The following RTN1 variants were observed in gnomAD, a reference collection of about 807,000 sequenced individuals.
RTN1 encodes reticulon-1.
In RTN1, 25 loss-of-function variants were observed where a neutral mutation model predicts 65.5. That is an observed-to-expected ratio of 0.38 (90% CI 0.28 to 0.53). RTN1 has a LOEUF of 0.53. Among genes scored for constraint, RTN1 ranks in the 20% least tolerant of loss-of-function variants. The probability of loss-of-function intolerance (pLI) is 0.79; values close to 1 mark genes in which losing one functional copy is unlikely to be tolerated. For synonymous variants in RTN1, 471 were observed against 447.6 expected, an observed-to-expected ratio of 1.05 and a Z score of -0.66; for missense variants, 983 against 1,025.4, an observed-to-expected ratio of 0.96 and a Z score of 0.57.
chr14:59,625,809 T>A (rs1182170992), intron 3 of RTN1, among the ~76,000 whole-genome samples: 2 of 152,274 alleles, frequency 1.3e-5, no homozygotes, highest in African/African-American at 4.8e-5. Context: ...CCTTAAAAAG[T>A]TTTTCTTGAA....
At chr14:59,650,045 A>G (rs991777665) in intron 3 of RTN1, among the ~76,000 whole-genome samples, 2 of 152,246 alleles carry the variant, frequency 1.3e-5, no homozygotes, top group Non-Finnish European at 2.9e-5. Context: ...TATGGCACAT[A>G]TACACCATGG....
intron 3 of RTN1, among the ~76,000 whole-genome samples, chr14:59,695,881 GATT>G (rs1390740741): frequency 6.6e-6 from 1 of 151,744 alleles, no homozygotes; most frequent in Non-Finnish European, 1.5e-5. Flanking sequence ...ATATCAGAAA[GATT>G]ATAACACTTT....
chr14:59,701,546 T>A (rs188413379), intron 3 of RTN1, among the ~76,000 whole-genome samples: 2 of 152,190 alleles, frequency 1.3e-5, no homozygotes. Flanking sequence ...GAAAATATTA[T>A]ATTATGCTAA....
intron 1 of RTN1, among the ~76,000 whole-genome samples, chr14:59,866,935 A>G (rs1887808914): frequency 6.6e-6 from 1 of 152,370 alleles, no homozygotes; most frequent in Non-Finnish European, 1.5e-5. Flanking sequence ...TTGAAAAATG[A>G]GGACATATAA....
chr14:59,698,204 T>G (rs1283370536), intron 3 of RTN1, among the ~76,000 whole-genome samples: 1 of 152,142 alleles, frequency 6.6e-6, no homozygotes, highest in Non-Finnish European at 1.5e-5. Flanking sequence ...TTCATAAGAT[T>G]TTTAAAATAC....
intron 4 of RTN1, chr14:59,606,119 T>TATATATATATATAA (rs1566658086): frequency 1.1e-5 from 1 of 88,084 alleles, no homozygotes; most frequent in African/African-American, 4.5e-5. Flanking sequence ...TATATATATA[T>TATATATATATATAA]ATATATATCA....
At chr14:59,854,170 C>G (rs1213013914) in intron 1 of RTN1, among the ~76,000 whole-genome samples, 3 of 151,518 alleles carry the variant, frequency 2.0e-5, no homozygotes, top group Non-Finnish European at 4.4e-5. Context: ...AACTTTTTAA[C>G]TTTTTAAATG....
At chr14:59,779,182 A>G (rs543127497) in intron 1 of RTN1, among the ~76,000 whole-genome samples, 8 of 152,156 alleles carry the variant, frequency 5.3e-5, no homozygotes, top group Non-Finnish European at 1.0e-4. Flanking sequence ...AAAGAAACCA[A>G]TAGGATCTGA....
chr14:59,819,432 ACCCCCCCC>A (rs571475507), intron 1 of RTN1, among the ~76,000 whole-genome samples: 1 of 5,418 alleles, frequency 1.8e-4, no homozygotes, highest in East Asian at 3.1e-3. Context: ...CCCACCCCCC[ACCCCCCCC>A]CCCCGGCCAC....
intron 1 of RTN1, among the ~76,000 whole-genome samples, chr14:59,859,079 A>G (rs533041491): frequency 7.2e-5 from 11 of 152,344 alleles, no homozygotes; most frequent in Non-Finnish European, 1.6e-4. Context: ...TTAAGTAGTC[A>G]ATTTGGGGTA....
intron 3 of RTN1, among the ~76,000 whole-genome samples, chr14:59,635,720 A>T (rs1468540091): frequency 6.6e-6 from 1 of 152,236 alleles, no homozygotes; most frequent in Non-Finnish European, 1.5e-5. Context: ...AAACAATAGA[A>T]ATTAGGAAAG....
chr14:59,736,032 G>A (rs1411097891), intron 2 of RTN1, among the ~76,000 whole-genome samples: 1 of 152,140 alleles, frequency 6.6e-6, no homozygotes, highest in Non-Finnish European at 1.5e-5. Flanking sequence ...CTAGGATGTA[G>A]CTAAAGCAGT....
At chr14:59,797,397 G>A (rs1339095323) in intron 1 of RTN1, among the ~76,000 whole-genome samples, 2 of 152,290 alleles carry the variant, frequency 1.3e-5, no homozygotes, top group South Asian at 2.1e-4. Context: ...TCAAAGTGGG[G>A]AACCAGTGGA....
At chr14:59,675,853 T>G (rs1332586636) in intron 3 of RTN1, among the ~76,000 whole-genome samples, 1 of 152,220 alleles carries the variant, frequency 6.6e-6, no homozygotes, top group African/African-American at 2.4e-5. Context: ...GCTGGAATTC[T>G]GTTTTAAATG....
chr14:59,870,345 C>G lies in RTN1; in HGVS notation c.241+45G>C. 2.1e-6 allele frequency: 3 copies of G among 1,448,134 alleles called. No homozygotes were observed. In the South Asian group the frequency reaches 4.4e-5, roughly 21 times the overall value. The allele number at this position is 1,448,134 out of a possible 1,614,324, so 89.7% of individuals were successfully genotyped here. ...GCGCAGAAGGGGACTGACTGGGGGG[C>G]CCTGGTCCCCGACGCCATTTGAGGG... On this transcript the variant is annotated intron_variant, in intron 1 of 8. Coordinates refer to ENST00000267484, the MANE Select transcript of RTN1 (RefSeq NM_021136.3). The surrounding 1 kb of genome is among the most constrained non-coding windows in gnomAD (Gnocchi z 5.1).
intron 3 of RTN1, among the ~76,000 whole-genome samples, chr14:59,694,496 T>C (rs1223080746): frequency 2.6e-5 from 4 of 152,164 alleles, no homozygotes; most frequent in South Asian, 2.1e-4. Context: ...TAACAAAGCA[T>C]AATTAAATAT....
chr14:59,640,289 G>A (rs1394319086), intron 3 of RTN1, among the ~76,000 whole-genome samples: 1 of 151,950 alleles, frequency 6.6e-6, no homozygotes, highest in Non-Finnish European at 1.5e-5. Flanking sequence ...ATTTCCAAAT[G>A]AATTTGTCCA....
intron 3 of RTN1, among the ~76,000 whole-genome samples, chr14:59,615,646 A>C (rs1238145888): frequency 5.9e-5 from 9 of 152,372 alleles, no homozygotes; most frequent in Admixed American, 5.2e-4. Context: ...TAAAGATACA[A>C]AATTTTATTT....
At chr14:59,657,860 T>C (rs1473637137) in intron 3 of RTN1, among the ~76,000 whole-genome samples, 3 of 150,212 alleles carry the variant, frequency 2.0e-5, no homozygotes, top group Non-Finnish European at 4.4e-5. Context: ...TTTTTTTTCA[T>C]ACCCCAGTGG....
Sources: allele counts gnomAD v4.1 joint callset (sites outside exome capture counted in the v4.1 genomes callset), GRCh38; gene constraint gnomAD v4.1.1; non-coding constraint Gnocchi (gnomAD v3.1); transcripts MANE v1.5; gene names NCBI Gene and HGNC (gene_info 2026-07-23, HGNC 2026-07-21).